SPATA6: variants seen among roughly 807,000 people sequenced by gnomAD.
The protein encoded by SPATA6 is spermatogenesis associated 6.
In SPATA6, 56 loss-of-function variants were observed where a neutral mutation model predicts 65.3. The ratio of observed to expected loss-of-function variants is 0.86; its 90% CI spans 0.69 to 1.07. The LOEUF (loss-of-function observed/expected upper bound fraction) is 1.07. Among genes scored for constraint, SPATA6 ranks in the 50% least tolerant of loss-of-function variants. The probability of loss-of-function intolerance (pLI) is 0.00; values close to 1 mark genes in which losing one functional copy is unlikely to be tolerated. For missense variants in SPATA6, 590 were observed against 594.8 expected, an observed-to-expected ratio of 0.99 and a Z score of 0.08; for synonymous variants, 199 against 213.2, an observed-to-expected ratio of 0.93 and a Z score of 0.58.
At chr1:48,412,015 C>T (rs376165233) in intron 4 of SPATA6, among the ~76,000 whole-genome samples, 55 of 152,038 alleles carry the variant, frequency 3.6e-4, no homozygotes, top group African/African-American at 1.2e-3. Context: ...TACAGGCATG[C>T]GCCACCACAC....
intron 7 of SPATA6, 41 bp downstream of exon 7, chr1:48,399,310 G>A (rs755475963): frequency 7.0e-6 from 11 of 1,561,198 alleles, no homozygotes; most frequent in Non-Finnish European, 9.5e-6. Flanking sequence ...TGGGAAAAAA[G>A]CTGATCAGTT....
Position 48,298,622 on chromosome 1 carries a change from T to C in SPATA6, c.*91A>G. The C allele has an allele frequency of 1.6e-6, 2 of 1,289,322 alleles. No homozygotes were observed. The highest frequency in any genetic ancestry group is 3.4e-5 in the South Asian group (2 of 58,250). The allele number at this position is 1,289,322 out of a possible 1,614,324, so 79.9% of individuals were successfully genotyped here. A position where few individuals can be genotyped will look rare whatever the true frequency, so the allele number is the denominator to read the frequency against. On this transcript the variant is annotated 3_prime_UTR_variant, in exon 13 of 13. Transcript: ENST00000371847. ...ATTGTACTTAGTTATAATCCCATTT[T>C]TTTTAAAAAAAGGAATACAGATATT...
intron 5 of SPATA6, among the ~76,000 whole-genome samples, chr1:48,408,532 T>A (rs543717176): frequency 6.6e-6 from 1 of 152,298 alleles, no homozygotes; most frequent in Non-Finnish European, 1.5e-5. Context: ...TATTTCAATT[T>A]TTCACTATTA....
downstream of SPATA6, among the ~76,000 whole-genome samples, chr1:48,290,458 C>G (rs1314963059): frequency 1.3e-5 from 2 of 152,278 alleles, no homozygotes; most frequent in Admixed American, 6.5e-5. Context: ...GCAAAATAAC[C>G]AGATAACATC....
rs1360692355 is a variant in SPATA6 at position 48,297,979 on chromosome 1, T to G, written c.*734A>C. Reference sequence around the variant, plus strand: ...TTACTAACAGAGGCCATTTTCTGATTCTGGTTGCACCAAAAGGTATGGCCC... The same window carrying G: ...TTACTAACAGAGGCCATTTTCTGATGCTGGTTGCACCAAAAGGTATGGCCC... On this transcript the variant is annotated 3_prime_UTR_variant, in exon 13 of 13. Transcript: ENST00000371847. 6.6e-6 allele frequency: 1 copy of G among 152,172 alleles called. No individual in the cohort carries two copies. The highest frequency in any genetic ancestry group is 2.4e-5 in the African/African-American group (1 of 41,456). 9.4% of individuals were successfully genotyped at this position (152,172 alleles called of 1,614,324 possible).
At chr1:48,279,170 T>C in the SPATA6 span, among the ~76,000 whole-genome samples, 1 of 151,916 alleles carries the variant, frequency 6.6e-6, no homozygotes, top group Non-Finnish European at 1.5e-5. Flanking sequence ...CTAAAAGAGC[T>C]CCTGAAGGAA....
intron 1 of SPATA6, among the ~76,000 whole-genome samples, chr1:48,467,184 C>T (rs1657872627): frequency 1.3e-5 from 2 of 152,112 alleles, no homozygotes; most frequent in Admixed American, 1.3e-4. Context: ...TGTCATATGG[C>T]TCTGTTGGGC....
chr1:48,306,113 G>C (rs1019547433), intron 11 of SPATA6, among the ~76,000 whole-genome samples: 3 of 151,752 alleles, frequency 2.0e-5, no homozygotes, highest in Non-Finnish European at 2.9e-5. Flanking sequence ...TCAAAGACTA[G>C]GTATCCAGTA....
chr1:48,328,127 A>C (rs1234498182), intron 11 of SPATA6, among the ~76,000 whole-genome samples: 1 of 152,132 alleles, frequency 6.6e-6, no homozygotes, highest in Non-Finnish European at 1.5e-5. Context: ...GGAAATGTAC[A>C]TCAAAACCCC....
intron 3 of SPATA6, among the ~76,000 whole-genome samples, chr1:48,418,685 G>A (rs373138526): frequency 4.0e-5 from 6 of 149,330 alleles, no homozygotes; most frequent in Admixed American, 3.4e-4. Flanking sequence ...GACTGCCACC[G>A]CACTCCAGCC....
intron 11 of SPATA6, among the ~76,000 whole-genome samples, chr1:48,355,254 C>G (rs150043606): frequency 1.0e-3 from 158 of 152,194 alleles, no homozygotes; most frequent in African/African-American, 3.7e-3. Context: ...TACAAATTAA[C>G]TGAGAAGTTT....
At chr1:48,278,106 C>T in the SPATA6 span, among the ~76,000 whole-genome samples, 8 of 152,284 alleles carry the variant, frequency 5.3e-5, no homozygotes, top group Admixed American at 5.2e-4. Context: ...CTCCAACAGA[C>T]CTGCAGCTGA....
chr1:48,296,125 CA>C lies in SPATA6; in HGVS notation c.*2587del, dbSNP rs2148627828. ...GCCTATTTATCTTTCATATTAACTC[CA>C]ATAATTATTTCTAGATTTGTGGGAA... On this transcript the variant is annotated 3_prime_UTR_variant, in exon 13 of 13. Coordinates refer to ENST00000371847, the MANE Select transcript of SPATA6 (RefSeq NM_019073.4). The C allele has an allele frequency of 6.6e-6, 1 of 150,900 alleles. No homozygotes were observed. Among genetic ancestry groups the C allele is most frequent in the South Asian group, 2.1e-4 (1 of 4,728 alleles). 9.3% of individuals were successfully genotyped at this position (150,900 alleles called of 1,614,324 possible).
intron 3 of SPATA6, among the ~76,000 whole-genome samples, chr1:48,417,116 ATAAAT>A (rs1652853269): frequency 6.6e-6 from 1 of 152,212 alleles, no homozygotes; most frequent in African/African-American, 2.4e-5. Context: ...AGCAATAAAA[ATAAAT>A]TAAAAGATTT....
chr1:48,279,278 G>A, the SPATA6 span, among the ~76,000 whole-genome samples: 1 of 152,136 alleles, frequency 6.6e-6, no homozygotes, highest in Non-Finnish European at 1.5e-5. Context: ...ATCAACTAAC[G>A]AGCAAAATAA....
Position 48,314,235 on chromosome 1 carries a change from T to C in SPATA6, c.1195-8357A>G, listed in dbSNP as rs6687788. On this transcript the variant is annotated intron_variant, in intron 11 of 12. Transcript: ENST00000371847. ...CTCTCCACCCCGAATCAACAGAATA[T>C]ACATTCTTTTCAGCACCACACCACA... 7.0e-3 allele frequency among the ~76,000 whole-genome samples: 1,062 copies of C among 152,246 alleles called. 14 individuals carry two copies. Among genetic ancestry groups the C allele is most frequent in the African/African-American group, 0.025 (1,019 of 41,554 alleles).
Position 48,298,480 on chromosome 1 carries a change from A to C in SPATA6, c.*233T>G. ...TCCTTGTCACATATTGGAAGTTGTGATTGTGTGACAGAGCTCTAATGTTTG... is the reference window on the plus strand; with the variant it reads ...TCCTTGTCACATATTGGAAGTTGTGCTTGTGTGACAGAGCTCTAATGTTTG... On this transcript the variant is annotated 3_prime_UTR_variant, in exon 13 of 13. Transcript: ENST00000371847. 2.8e-6 allele frequency: 1 copy of C among 361,370 alleles called. No homozygotes were observed. The highest frequency in any genetic ancestry group is 9.0e-5 in the South Asian group (1 of 11,066). 22.4% of individuals were successfully genotyped at this position (361,370 alleles called of 1,614,324 possible).
Position 48,298,455 on chromosome 1 carries a change from T to C in SPATA6, c.*258A>G, listed in dbSNP as rs1383503712. ...TATGAGGTGTACATGTAACAGAATA[T>C]CCTTGTCACATATTGGAAGTTGTGA... On this transcript the variant is annotated 3_prime_UTR_variant, in exon 13 of 13. Coordinates refer to ENST00000371847, the MANE Select transcript of SPATA6 (RefSeq NM_019073.4). 3 of 313,148 alleles carry C rather than the reference T, an allele frequency of 9.6e-6. No individual in the cohort carries two copies. Among genetic ancestry groups the C allele is most frequent in the South Asian group, 1.0e-4 (1 of 9,980 alleles). 19.4% of individuals were successfully genotyped at this position (313,148 alleles called of 1,614,324 possible).
intron 5 of SPATA6, among the ~76,000 whole-genome samples, chr1:48,410,039 G>C (rs536597150): frequency 6.6e-6 from 1 of 152,172 alleles, no homozygotes; most frequent in Non-Finnish European, 1.5e-5. Flanking sequence ...TCAGAAAATT[G>C]AATTTTCTTT....
Sources: gnomAD v4.1 joint callset for allele counts (sites outside exome capture counted in the v4.1 genomes callset) on GRCh38, gnomAD v4.1.1 for gene constraint, MANE v1.5 for transcripts, NCBI Gene and HGNC (gene_info 2026-07-23, HGNC 2026-07-21) for gene names.